The following DOCK2 variants were observed in gnomAD, a reference collection of about 807,000 sequenced individuals.
The protein encoded by DOCK2 is dedicator of cytokinesis 2.
Under a neutral mutation model 248.9 loss-of-function variants are expected in DOCK2, and 87 were observed. The ratio of observed to expected loss-of-function variants is 0.35; its 90% CI spans 0.29 to 0.42. DOCK2 has a LOEUF of 0.42. Ranked by LOEUF, DOCK2 falls within the 10% of genes least tolerant of loss-of-function variation. DOCK2 has a pLI of 1.00. For missense variants in DOCK2, 1,747 were observed against 2,300.2 expected (o/e 0.76, Z 4.92); for synonymous variants, 805 against 821.6 (o/e 0.98, Z 0.35).
intron 27 of DOCK2, among the ~76,000 whole-genome samples, chr5:169,912,768 C>A (rs1774675113): frequency 6.6e-6 from 1 of 151,782 alleles, no homozygotes; most frequent in African/African-American, 2.4e-5. Flanking sequence ...GAGGATCAAA[C>A]ATAGCAGGGT....
chr5:169,903,960 C>T lies in DOCK2; in HGVS notation c.2799+63108C>T, dbSNP rs373632640. On this transcript the variant is annotated intron_variant, in intron 27 of 51. Transcript: ENST00000520908. ...ACAAAAAATACAAAAATTAGCTGGG[C>T]GTGGTCCTGTAATCCCAGTTACTCG... 3.6e-3 allele frequency among the ~76,000 whole-genome samples: 546 copies of T among 152,020 alleles called. 4 individuals carry two copies. Among genetic ancestry groups the T allele is most frequent in the African/African-American group, 0.012 (496 of 41,478 alleles).
intron 25 of DOCK2, among the ~76,000 whole-genome samples, chr5:169,775,981 A>G (rs891174780): frequency 4.6e-5 from 7 of 151,728 alleles, no homozygotes; most frequent in African/African-American, 1.5e-4. Context: ...GATGGGAAAA[A>G]TGGCATTTAT....
chr5:169,902,122 C>T (rs1773962211), intron 27 of DOCK2, among the ~76,000 whole-genome samples: 1 of 152,136 alleles, frequency 6.6e-6, no homozygotes, highest in Non-Finnish European at 1.5e-5. Context: ...AGGGTTAATG[C>T]CATCTATCAG....
At chr5:169,681,094 C>G (rs1759633199) in intron 6 of DOCK2, among the ~76,000 whole-genome samples, 1 of 145,686 alleles carries the variant, frequency 6.9e-6, no homozygotes, top group Non-Finnish European at 1.5e-5. Flanking sequence ...TTGATTTAGC[C>G]ATTTCTCTTT....
chr5:169,792,346 T>A (rs1276269989), intron 25 of DOCK2, among the ~76,000 whole-genome samples: 1 of 92,342 alleles, frequency 1.1e-5, no homozygotes, highest in African/African-American at 4.1e-5. Context: ...GCTTTATTTA[T>A]GTAATGTGTG....
chr5:169,952,929 G>A (rs547132060), intron 27 of DOCK2, among the ~76,000 whole-genome samples: 2 of 152,320 alleles, frequency 1.3e-5, no homozygotes, highest in East Asian at 3.9e-4. Context: ...CAGATAGGGA[G>A]AAAACAGTAG....
intron 23 of DOCK2, 108 bp downstream of exon 23, chr5:169,747,612 G>A: frequency 1.0e-6 from 1 of 973,670 alleles, no homozygotes; most frequent in Non-Finnish European, 1.5e-6. Context: ...TGTATCCAGT[G>A]AAGGCCTGGG....
At chr5:169,897,616 C>T (rs1561805394) in intron 27 of DOCK2, among the ~76,000 whole-genome samples, 2 of 152,198 alleles carry the variant, frequency 1.3e-5, no homozygotes, top group Admixed American at 6.5e-5. Context: ...AGAACCACAG[C>T]CCCATGGTTG....
intron 27 of DOCK2, among the ~76,000 whole-genome samples, chr5:169,951,539 T>C (rs779630378): frequency 9.2e-5 from 14 of 152,212 alleles, no homozygotes; most frequent in Non-Finnish European, 1.3e-4. Flanking sequence ...TTGGAAGACA[T>C]GGACACCTGC....
At chr5:169,741,195 G>T (rs1326948732) in intron 22 of DOCK2, among the ~76,000 whole-genome samples, 3 of 152,212 alleles carry the variant, frequency 2.0e-5, no homozygotes, top group Non-Finnish European at 4.4e-5. Context: ...TTTATTTCAG[G>T]TCCATACACC....
rs79968783 is a variant in DOCK2 at position 169,995,542 on chromosome 5, A to G, written c.2994-544A>G. Among the ~76,000 whole-genome samples, 40 of 152,398 alleles carry G rather than the reference A, an allele frequency of 2.6e-4. 2 individuals are homozygous for G. In the East Asian group the frequency reaches 7.7e-3, roughly 29 times the overall value. On this transcript the variant is annotated intron_variant, in intron 29 of 51. Coordinates refer to ENST00000520908, the MANE Select transcript of DOCK2 (RefSeq NM_004946.3). ...TCAGTGATTAAAAAGGATGATATAT[A>G]TCTACATTCATTGGCCTGAAAGAAG...
At position 170,055,401 on chromosome 5, in the gene DOCK2, C is replaced by A; in HGVS notation, c.4295+15C>A. ...CAGATTATAAAGTAAGACTCGTTGT[C>A]CACAGGGAAGAAGGATGGGGAAGAG... is the stretch of plus-strand genomic sequence containing the variant. On this transcript the variant is annotated intron_variant, in intron 42 of 51. Transcript: ENST00000520908. 6.2e-7 allele frequency: 1 copy of A among 1,613,058 alleles called. No homozygotes were observed. The highest frequency in any genetic ancestry group is 8.5e-7 in the Non-Finnish European group (1 of 1,179,076).
At position 169,776,646 on chromosome 5, in the gene DOCK2, T is replaced by C. The variant is rs115868858; in HGVS notation, c.2554+15021T>C. 7.6e-3 allele frequency among the ~76,000 whole-genome samples: 1,158 copies of C among 152,314 alleles called. 20 individuals carry two copies. Among genetic ancestry groups the C allele is most frequent in the African/African-American group, 0.027 (1,120 of 41,564 alleles). The stretch of plus-strand genomic sequence containing the variant: ...GCCCCTGACCAAATCTGACCTTGAA[T>C]TATAATAACCCCCACGTGTCAAGGG... On this transcript the variant is annotated intron_variant, in intron 25 of 51. Coordinates refer to ENST00000520908, the MANE Select transcript of DOCK2 (RefSeq NM_004946.3).
intron 22 of DOCK2, among the ~76,000 whole-genome samples, chr5:169,745,601 C>T (rs1763568162): frequency 1.3e-5 from 2 of 152,180 alleles, no homozygotes; most frequent in South Asian, 4.1e-4. Flanking sequence ...CTGGCTCTGA[C>T]ACTCACTGGC....
chr5:169,857,741 A>C lies in DOCK2; in HGVS notation c.2799+16889A>C, dbSNP rs895064485. On this transcript the variant is annotated intron_variant, in intron 27 of 51. Coordinates refer to ENST00000520908, the MANE Select transcript of DOCK2 (RefSeq NM_004946.3). Reference sequence around the variant, plus strand: ...TGTTCTGGGAACAAAACTAAAAAAAAAAAAAAGAAAAAAGAAAATCACACG... The same window carrying C: ...TGTTCTGGGAACAAAACTAAAAAAACAAAAAAGAAAAAAGAAAATCACACG... Among the ~76,000 whole-genome samples the C allele has an allele frequency of 9.9e-5, 15 of 152,198 alleles. No individual in the cohort carries two copies. In the South Asian group the frequency reaches 2.3e-3, roughly 23 times the overall value.
chr5:169,765,822 G>T (rs12153495), intron 25 of DOCK2, among the ~76,000 whole-genome samples: 1 of 152,048 alleles, frequency 6.6e-6, no homozygotes, highest in African/African-American at 2.4e-5. Flanking sequence ...TTATTGAGAA[G>T]CTGTTTTTTG....
At chr5:169,639,017 T>TA (rs1757005852) in intron 1 of DOCK2, among the ~76,000 whole-genome samples, 1 of 152,176 alleles carries the variant, frequency 6.6e-6, no homozygotes, top group South Asian at 2.1e-4. Context: ...CTTTTAGTGT[T>TA]AAAAAAATTT....
At chr5:169,940,272 C>G (rs983404310) in intron 27 of DOCK2, among the ~76,000 whole-genome samples, 1 of 152,306 alleles carries the variant, frequency 6.6e-6, no homozygotes. Flanking sequence ...TCTGATCACT[C>G]TCAACCAGGG....
chr5:169,771,280 GTTTTTCT>G (rs1388663202), intron 25 of DOCK2, among the ~76,000 whole-genome samples: 1 of 152,072 alleles, frequency 6.6e-6, no homozygotes, highest in Non-Finnish European at 1.5e-5. Flanking sequence ...TCTTTTGACT[GTTTTTCT>G]TTTTTCTTTT....
Sources: gnomAD v4.1 joint callset for allele counts (sites outside exome capture counted in the v4.1 genomes callset) on GRCh38, gnomAD v4.1.1 for gene constraint, MANE v1.5 for transcripts, NCBI Gene and HGNC (gene_info 2026-07-23, HGNC 2026-07-21) for gene names.